The following MTRF1 variants were observed in gnomAD, a reference collection of about 807,000 sequenced individuals.
The protein encoded by MTRF1 is mitochondrial translation release factor 1.
Under a neutral mutation model 62.9 loss-of-function variants are expected in MTRF1, and 51 were observed. That is an observed-to-expected ratio of 0.81 (90% confidence interval 0.65 to 1.02). The LOEUF (loss-of-function observed/expected upper bound fraction) is 1.02. Ranked by LOEUF, MTRF1 falls within the 50% of genes least tolerant of loss-of-function variation. The pLI, the probability that MTRF1 is intolerant of heterozygous loss-of-function variation, is 0.00. For missense variants in MTRF1, 446 were observed against 530.0 expected, an observed-to-expected ratio of 0.84 and a Z score of 1.56; for synonymous variants, 158 against 181.9, an observed-to-expected ratio of 0.87 and a Z score of 1.06.
the MTRF1 span, among the ~76,000 whole-genome samples, chr13:41,300,862 GC>G: frequency 6.6e-6 from 1 of 152,216 alleles, no homozygotes; most frequent in Non-Finnish European, 1.5e-5. Flanking sequence ...GGGCGAGGCA[GC>G]TAGTCAAGAA....
At chr13:41,273,185 G>A in the MTRF1 span, among the ~76,000 whole-genome samples, 1 of 152,048 alleles carries the variant, frequency 6.6e-6, no homozygotes, top group South Asian at 2.1e-4. Flanking sequence ...AATTAGCTGG[G>A]CGTGGTGGTG....
chr13:41,241,860 C>G (rs1353766986), intron 5 of MTRF1, among the ~76,000 whole-genome samples: 1 of 152,200 alleles, frequency 6.6e-6, no homozygotes, highest in Non-Finnish European at 1.5e-5. Context: ...AGCTCGAGCC[C>G]TTTGGCAAGA....
the MTRF1 span, among the ~76,000 whole-genome samples, chr13:41,284,032 A>G: frequency 6.6e-6 from 1 of 152,190 alleles, no homozygotes; most frequent in Non-Finnish European, 1.5e-5. Context: ...AGACGCAACC[A>G]CATTACATTG....
chr13:41,282,179 G>C, the MTRF1 span, among the ~76,000 whole-genome samples: 2 of 151,924 alleles, frequency 1.3e-5, no homozygotes, highest in African/African-American at 2.4e-5. Flanking sequence ...AACAGCTCTG[G>C]GAATAGGCTG....
At position 41,255,256 on chromosome 13, in the gene MTRF1, G is replaced by A. The variant is rs545686141; in HGVS notation, c.416-636C>T. 1.6e-3 allele frequency among the ~76,000 whole-genome samples: 244 copies of A among 152,146 alleles called. 1 individual carries two copies. The highest frequency in any genetic ancestry group is 5.6e-3 in the African/African-American group (234 of 41,500). The stretch of plus-strand genomic sequence containing the variant: ...GATGAGGACTCACTATGTTGCCCAG[G>A]CTGGAGTAGCTATTCTCAGATGTGA... On this transcript the variant is annotated intron_variant, in intron 2 of 9. Coordinates refer to ENST00000379480, the MANE Select transcript of MTRF1 (RefSeq NM_004294.4).
the MTRF1 span, among the ~76,000 whole-genome samples, chr13:41,290,182 C>T: frequency 3.6e-5 from 5 of 138,812 alleles, no homozygotes; most frequent in Non-Finnish European, 3.1e-5. Flanking sequence ...CTGCAACCTC[C>T]GCCTCCCGGG....
upstream of MTRF1, among the ~76,000 whole-genome samples, chr13:41,268,257 T>G (rs2040862726): frequency 6.6e-6 from 1 of 152,192 alleles, no homozygotes; most frequent in African/African-American, 2.4e-5. Context: ...TGACAATGCT[T>G]CCTGTGTAAT....
chr13:41,226,539 A>G lies in MTRF1; in HGVS notation c.1018T>C (p.Ser340Pro), dbSNP rs1187646260. The part of the protein sequence containing the change: ...GLVVECQQER[S>P]QIKNKEIAFR... Reference sequence around the variant, plus strand: ...GCTATTTCTTTATTTTTTATCTGTGATCTTTCTTGTTGGCATTCTACTACT... The same window carrying G: ...GCTATTTCTTTATTTTTTATCTGTGGTCTTTCTTGTTGGCATTCTACTACT... The change falls in exon 8 of 10, where the codon TCA becomes CCA. Residue 340 changes from serine (S) to proline (P), a missense_variant. Coordinates refer to ENST00000379480, the MANE Select transcript of MTRF1 (RefSeq NM_004294.4). The G allele has an allele frequency of 1.2e-6, 2 of 1,613,880 alleles. No homozygotes were observed. The highest frequency in any genetic ancestry group is 2.2e-5 in the South Asian group (2 of 91,068).
At chr13:41,254,492 C>T (rs565247334) in intron 3 of MTRF1, 37 bp downstream of exon 3, 17 of 1,471,762 alleles carry the variant, frequency 1.2e-5, no homozygotes, top group East Asian at 1.1e-4. Context: ...TTCCTTTATA[C>T]AGCACTATTG....
chr13:41,310,457 G>C, the MTRF1 span, among the ~76,000 whole-genome samples: 1 of 152,214 alleles, frequency 6.6e-6, no homozygotes, highest in African/African-American at 2.4e-5. Flanking sequence ...CGGATCACGA[G>C]GTCAAGAGAT....
chr13:41,236,963 A>G (rs527810905), intron 6 of MTRF1, among the ~76,000 whole-genome samples: 1 of 152,298 alleles, frequency 6.6e-6, no homozygotes, highest in East Asian at 1.9e-4. Context: ...CACGCCTGTA[A>G]TCTCAGCACT....
chr13:41,255,243 C>T (rs932212083), intron 2 of MTRF1, among the ~76,000 whole-genome samples: 1 of 152,048 alleles, frequency 6.6e-6, no homozygotes, highest in African/African-American at 2.4e-5. Context: ...TGAGGACTCA[C>T]TATGTTGCCC....
At chr13:41,293,152 T>TTG in the MTRF1 span, among the ~76,000 whole-genome samples, 16,033 of 150,238 alleles carry the variant, frequency 0.11, 2,664 homozygotes, top group African/African-American at 0.36. Flanking sequence ...TGTGAAATCT[T>TTG]TGTGTGTGTG....
chr13:41,282,860 A>G, the MTRF1 span, among the ~76,000 whole-genome samples: 1 of 152,212 alleles, frequency 6.6e-6, no homozygotes, highest in Non-Finnish European at 1.5e-5. Context: ...CTTCCCTTTA[A>G]TTGGATTCCA....
upstream of MTRF1, among the ~76,000 whole-genome samples, chr13:41,268,275 C>T (rs1349300795): frequency 6.6e-6 from 1 of 152,056 alleles, no homozygotes; most frequent in Non-Finnish European, 1.5e-5. Flanking sequence ...AATTTTTATA[C>T]CAAATAAGCC....
chr13:41,241,467 G>T (rs1373425155), intron 5 of MTRF1, among the ~76,000 whole-genome samples: 2 of 152,072 alleles, frequency 1.3e-5, no homozygotes, highest in Admixed American at 1.3e-4. Flanking sequence ...GAAAAAGAAC[G>T]GTGCTAGTCA....
At chr13:41,267,020 A>G (rs1420100034), upstream of MTRF1, among the ~76,000 whole-genome samples, 2 of 150,910 alleles carry the variant, frequency 1.3e-5, no homozygotes, top group East Asian at 1.9e-4. Context: ...AAAAAAAACA[A>G]ATTTCCCTGT....
At chr13:41,223,926 T>G (rs2033895433) in intron 8 of MTRF1, among the ~76,000 whole-genome samples, 1 of 152,230 alleles carries the variant, frequency 6.6e-6, no homozygotes, top group Non-Finnish European at 1.5e-5. Context: ...CCAATTTTTT[T>G]GCTCACATTG....
chr13:41,264,698 C>T (rs906542792), upstream of MTRF1, among the ~76,000 whole-genome samples: 7 of 152,062 alleles, frequency 4.6e-5, no homozygotes, highest in Non-Finnish European at 7.4e-5. Context: ...ATTTTTACAA[C>T]CTTAAAATAC....
Sources: allele counts gnomAD v4.1 joint callset (sites outside exome capture counted in the v4.1 genomes callset), GRCh38; gene constraint gnomAD v4.1.1; transcripts MANE v1.5; gene names NCBI Gene and HGNC (gene_info 2026-07-23, HGNC 2026-07-21).